SMARCC1: variants seen among roughly 807,000 people sequenced by gnomAD.
The protein encoded by SMARCC1 is SWI/SNF complex subunit SMARCC1.
Under a neutral mutation model 147.4 loss-of-function variants are expected in SMARCC1, and 43 were observed. The observed-to-expected ratio is 0.29, with a 90% confidence interval of 0.23 to 0.38. SMARCC1 has a LOEUF of 0.38. Among genes scored for constraint, SMARCC1 ranks in the 10% least tolerant of loss-of-function variants. The probability of loss-of-function intolerance (pLI) is 1.00; values close to 1 mark genes in which losing one functional copy is unlikely to be tolerated. For synonymous variants in SMARCC1, 495 were observed against 484.4 expected, an observed-to-expected ratio of 1.02 and a Z score of -0.29; for missense variants, 1,119 against 1,381.1, an observed-to-expected ratio of 0.81 and a Z score of 3.01.
chr3:47,745,955 T>C lies in SMARCC1; in HGVS notation c.354A>G (p.Leu118=). The change falls in exon 3 of 28, where the codon TTA becomes TTG. Residue 118 remains leucine (L), a synonymous_variant. Transcript: ENST00000254480. ...CFMDFKAGGA[L]CHILGAAYKY... Reference sequence around the variant, plus strand: ...TGTAAGCAGCCCCAAGAATGTGACATAAGGCGCCTCCAGCTTTGAAATCCA... The same window carrying C: ...TGTAAGCAGCCCCAAGAATGTGACACAAGGCGCCTCCAGCTTTGAAATCCA... 1 of 1,589,634 alleles carries C rather than the reference T, an allele frequency of 6.3e-7. No homozygotes were observed. Among genetic ancestry groups the C allele is most frequent in the Non-Finnish European group, 8.5e-7 (1 of 1,172,326 alleles).
intron 2 of SMARCC1, among the ~76,000 whole-genome samples, chr3:47,770,255 T>C (rs780192583): frequency 2.6e-5 from 4 of 151,188 alleles, no homozygotes; most frequent in Non-Finnish European, 5.9e-5. Context: ...AGGCTGAGCA[T>C]GGTTACTCAT....
chr3:47,745,887 C>T (rs752801747), intron 3 of SMARCC1, 21 bp downstream of exon 3: 2 of 1,432,474 alleles, frequency 1.4e-6, no homozygotes, highest in South Asian at 1.3e-5. Flanking sequence ...TCAAAACATG[C>T]AAACAAATAC....
intron 19 of SMARCC1, among the ~76,000 whole-genome samples, chr3:47,667,991 G>A (rs991280935): frequency 2.0e-5 from 3 of 152,070 alleles, no homozygotes; most frequent in Non-Finnish European, 4.4e-5. Context: ...AGCATGGACA[G>A]CATAGCAAAA....
chr3:47,656,688 G>T (rs546978861), intron 21 of SMARCC1, among the ~76,000 whole-genome samples: 1 of 152,168 alleles, frequency 6.6e-6, no homozygotes. Context: ...GCAGACATGG[G>T]TGGATCACTT....
chr3:47,742,388 G>A (rs891005344), intron 3 of SMARCC1, among the ~76,000 whole-genome samples: 1 of 152,034 alleles, frequency 6.6e-6, no homozygotes, highest in African/African-American at 2.4e-5. Context: ...AATTGAACTT[G>A]GTATTTAATC....
At chr3:47,758,960 T>G (rs1040807955) in intron 2 of SMARCC1, among the ~76,000 whole-genome samples, 3 of 150,370 alleles carry the variant, frequency 2.0e-5, no homozygotes, top group African/African-American at 7.3e-5. Flanking sequence ...GTGGTGGCGG[T>G]GAGCTGAGAT....
intron 1 of SMARCC1, 106 bp from the exon 2 acceptor site, chr3:47,773,042 A>T: frequency 1.1e-6 from 1 of 917,930 alleles, no homozygotes; most frequent in Non-Finnish European, 1.7e-6. Flanking sequence ...GGAAATTTAT[A>T]GATGTCTGAG....
intron 21 of SMARCC1, among the ~76,000 whole-genome samples, chr3:47,660,631 C>T (rs2033333306): frequency 6.6e-6 from 1 of 151,970 alleles, no homozygotes; most frequent in Non-Finnish European, 1.5e-5. Flanking sequence ...ACACAAAGGC[C>T]ACATATTATA....
rs893094690 is a variant in SMARCC1, at chr3:47,587,319, A to C, written c.*890T>G. 1.3e-5 allele frequency: 2 copies of C among 152,292 alleles called. No homozygotes were observed. The highest frequency in any genetic ancestry group is 2.9e-5 in the Non-Finnish European group (2 of 68,034). The allele number at this position is 152,292 out of a possible 1,614,324, so 9.4% of individuals were successfully genotyped here. On this transcript the variant is annotated 3_prime_UTR_variant, in exon 28 of 28. Transcript: ENST00000254480. ...TAGTAGGCTAGACTCATTGGGGGTAATTACCCTAGACTCCTAACTTTCCAG... is the reference window on the plus strand; with the variant it reads ...TAGTAGGCTAGACTCATTGGGGGTACTTACCCTAGACTCCTAACTTTCCAG...
chr3:47,705,566 C>G (rs1168279602), intron 10 of SMARCC1, among the ~76,000 whole-genome samples: 1 of 152,068 alleles, frequency 6.6e-6, no homozygotes, highest in African/African-American at 2.4e-5. Context: ...GGAAATAATA[C>G]GATTCAAGGC....
At chr3:47,635,386 C>A (rs769444007) in intron 23 of SMARCC1, 42 bp from the exon 24 acceptor site, 10 of 1,571,118 alleles carry the variant, frequency 6.4e-6, no homozygotes, top group African/African-American at 1.4e-5. Context: ...TGCCCACTCT[C>A]GAAAACCCAT....
chr3:47,749,736 C>CAGAGAGAGAG (rs71070224), intron 2 of SMARCC1, among the ~76,000 whole-genome samples: 32 of 110,858 alleles, frequency 2.9e-4, no homozygotes, highest in South Asian at 2.1e-3. Context: ...GAGAAAGAGA[C>CAGAGAGAGAG]AGAGAGAGAG....
At chr3:47,671,216 A>ACCAAAAAAGACTT (rs1197237587) in intron 18 of SMARCC1, among the ~76,000 whole-genome samples, 2 of 149,170 alleles carry the variant, frequency 1.3e-5, no homozygotes, top group African/African-American at 4.9e-5. Flanking sequence ...AAAAACCAAA[A>ACCAAAAAAGACTT]CCAAAAAAGA....
intron 2 of SMARCC1, among the ~76,000 whole-genome samples, chr3:47,750,469 T>C (rs2034617082): frequency 6.6e-6 from 1 of 152,184 alleles, no homozygotes. Flanking sequence ...TAGACTAATG[T>C]AATAGGTGGG....
At chr3:47,657,380 C>T (rs527882628) in intron 21 of SMARCC1, among the ~76,000 whole-genome samples, 77 of 152,268 alleles carry the variant, frequency 5.1e-4, no homozygotes, top group Non-Finnish European at 1.0e-3. Flanking sequence ...TCTCTGATTA[C>T]AACGAAATGT....
intron 2 of SMARCC1, among the ~76,000 whole-genome samples, chr3:47,760,288 G>C (rs549749704): frequency 2.0e-5 from 3 of 152,140 alleles, no homozygotes. Flanking sequence ...TTCCAGCCTG[G>C]GCAACAGAGA....
intron 26 of SMARCC1, among the ~76,000 whole-genome samples, chr3:47,602,142 G>A (rs1212284800): frequency 6.6e-6 from 1 of 152,122 alleles, no homozygotes; most frequent in East Asian, 1.9e-4. Context: ...AAAGCCAACT[G>A]TAGCTGGGTG....
At chr3:47,698,999 T>C (rs1047470341) in intron 11 of SMARCC1, among the ~76,000 whole-genome samples, 1 of 152,134 alleles carries the variant, frequency 6.6e-6, no homozygotes, top group Non-Finnish European at 1.5e-5. Flanking sequence ...TAAAATTAAC[T>C]TCAACCCTTA....
At chr3:47,625,669 G>C (rs9829901) in intron 24 of SMARCC1, among the ~76,000 whole-genome samples, 152,202 of 152,344 alleles carry the variant, frequency 1, 76,030 homozygotes, top group East Asian at 1. Context: ...ATACCACCCA[G>C]AAAAATTAAC....
Sources: allele counts gnomAD v4.1 joint callset (sites outside exome capture counted in the v4.1 genomes callset), GRCh38; gene constraint gnomAD v4.1.1; transcripts MANE v1.5; gene names NCBI Gene and HGNC (gene_info 2026-07-23, HGNC 2026-07-21).